The following ROBO1 variants were observed in gnomAD, a reference collection of about 807,000 sequenced individuals.
The protein encoded by ROBO1 is roundabout guidance receptor 1.
ROBO1 carries 149 observed loss-of-function variants against 195.9 expected under a neutral mutation model. The ratio of observed to expected loss-of-function variants is 0.76; its 90% CI spans 0.67 to 0.87. The LOEUF is 0.87. Ranked by LOEUF, ROBO1 falls within the 40% of genes least tolerant of loss-of-function variation. The pLI is 0.00. For missense variants in ROBO1, 1,933 were observed against 2,068.3 expected, an observed-to-expected ratio of 0.93 and a Z score of 1.27; for synonymous variants, 816 against 733.2, an observed-to-expected ratio of 1.11 and a Z score of -1.82.
At chr3:79,491,474 C>T (rs776003476) in intron 2 of ROBO1, among the ~76,000 whole-genome samples, 14 of 152,084 alleles carry the variant, frequency 9.2e-5, no homozygotes, top group Admixed American at 5.2e-4. Context: ...CAGTGAAATA[C>T]GACCCTGGCT....
chr3:79,520,788 C>T (rs913503658), intron 2 of ROBO1, among the ~76,000 whole-genome samples: 2 of 151,640 alleles, frequency 1.3e-5, no homozygotes, highest in African/African-American at 4.8e-5. Context: ...AAACTAATGT[C>T]TCTTGGTTCA....
At chr3:79,198,927 G>A (rs968015144) in intron 2 of ROBO1, among the ~76,000 whole-genome samples, 4 of 151,958 alleles carry the variant, frequency 2.6e-5, no homozygotes, top group Admixed American at 2.0e-4. Flanking sequence ...GGAGATTTTG[G>A]GCTGAGATGA....
chr3:78,934,964 A>C (rs573531592), intron 4 of ROBO1, among the ~76,000 whole-genome samples: 1 of 152,188 alleles, frequency 6.6e-6, no homozygotes, highest in Non-Finnish European at 1.5e-5. Flanking sequence ...GTGGCTACTC[A>C]GCATACATGG....
At chr3:79,087,998 A>G (rs1437217220) in intron 3 of ROBO1, among the ~76,000 whole-genome samples, 1 of 152,084 alleles carries the variant, frequency 6.6e-6, no homozygotes, top group African/African-American at 2.4e-5. Context: ...GAGTTCAACA[A>G]TTTTGGAAAG....
At position 79,429,115 on chromosome 3, in the gene ROBO1, A is replaced by T. The variant is rs2038569366; in HGVS notation, c.88+160709T>A. Among the ~76,000 whole-genome samples, 5 of 152,202 alleles carry T rather than the reference A, an allele frequency of 3.3e-5. No individual in the cohort carries two copies. In the South Asian group the frequency reaches 1.0e-3, roughly 31 times the overall value. Reference sequence around the variant, plus strand: ...GTAACTTTTACTGTATGTAAATTGTATCTAGATAACCTGACTTGAAAGATG... The same window carrying T: ...GTAACTTTTACTGTATGTAAATTGTTTCTAGATAACCTGACTTGAAAGATG... On this transcript the variant is annotated intron_variant, in intron 2 of 30. Transcript: ENST00000464233.
In ROBO1 at chr3:78,620,883, A is replaced by ATATGTGTGTG. The variant is rs368794312; in HGVS notation, c.3876-2843_3876-2842insCACACACATA. Among the ~76,000 whole-genome samples the ATATGTGTGTG allele has an allele frequency of 1.5e-3, 212 of 144,646 alleles. 2 individuals are homozygous for ATATGTGTGTG. The highest frequency in any genetic ancestry group is 3.1e-3 in the African/African-American group (123 of 39,156). 94.9% of individuals were successfully genotyped at this position (144,646 alleles called of 152,430 possible). A position where few individuals can be genotyped will look rare whatever the true frequency, so the allele number is the denominator to read the frequency against. On this transcript the variant is annotated intron_variant, in intron 26 of 30. Transcript: ENST00000464233. ...AAGTGTAAATATATTATATATATATATGTGTGTGTGTGTGTGTGTGTGTAT... is the reference window on the plus strand; with the variant it reads ...AAGTGTAAATATATTATATATATATATATGTGTGTGTGTGTGTGTGTGTGTGTGTGTGTAT...
intron 4 of ROBO1, among the ~76,000 whole-genome samples, chr3:78,900,401 C>T (rs2037513233): frequency 6.6e-6 from 1 of 152,038 alleles, no homozygotes; most frequent in Non-Finnish European, 1.5e-5. Context: ...TTACATTGAA[C>T]ATTTCAGAAT....
intron 19 of ROBO1, 98 bp downstream of exon 19, chr3:78,651,634 T>G: frequency 1.0e-6 from 1 of 982,528 alleles, no homozygotes. Flanking sequence ...TAAAACAAGT[T>G]TTAGAGGATA....
At chr3:79,136,889 T>G (rs2080420201) in intron 2 of ROBO1, among the ~76,000 whole-genome samples, 1 of 151,998 alleles carries the variant, frequency 6.6e-6, no homozygotes, top group Admixed American at 6.6e-5. Context: ...ATTTAGTAAG[T>G]GATGCAAATA....
At chr3:79,383,413 C>G (rs574149169) in intron 2 of ROBO1, among the ~76,000 whole-genome samples, 13 of 151,848 alleles carry the variant, frequency 8.6e-5, no homozygotes, top group African/African-American at 3.1e-4. Flanking sequence ...ACAATTTTTT[C>G]TGATTGAAAT....
At chr3:78,889,226 T>C (rs2107346529) in intron 4 of ROBO1, among the ~76,000 whole-genome samples, 1 of 152,310 alleles carries the variant, frequency 6.6e-6, no homozygotes, top group South Asian at 2.1e-4. Flanking sequence ...TAAGCAATTT[T>C]CCCCAATATA....
intron 2 of ROBO1, among the ~76,000 whole-genome samples, chr3:79,474,194 A>T (rs752281973): frequency 3.3e-5 from 5 of 152,152 alleles, no homozygotes; most frequent in Admixed American, 2.0e-4. Context: ...AGTAAAGACA[A>T]TTCCTCAAGT....
intron 1 of ROBO1, among the ~76,000 whole-genome samples, chr3:79,632,136 C>G (rs1365569922): frequency 4.6e-5 from 7 of 152,068 alleles, no homozygotes; most frequent in Admixed American, 3.9e-4. Flanking sequence ...TGAGTATCTA[C>G]CCAAAGGTAA....
At chr3:79,193,626 G>A (rs1040751617) in intron 2 of ROBO1, among the ~76,000 whole-genome samples, 12 of 140,200 alleles carry the variant, frequency 8.6e-5, no homozygotes, top group African/African-American at 3.0e-4. Flanking sequence ...GTAGAAATCG[G>A]TCAGTAAGTA....
chr3:79,126,050 G>A (rs2080210025), intron 2 of ROBO1, among the ~76,000 whole-genome samples: 1 of 152,134 alleles, frequency 6.6e-6, no homozygotes, highest in Non-Finnish European at 1.5e-5. Context: ...CAAATAAGAG[G>A]GAGGATGATA....
chr3:79,143,668 G>T (rs747520715), intron 2 of ROBO1, among the ~76,000 whole-genome samples: 38 of 151,940 alleles, frequency 2.5e-4, no homozygotes, highest in Non-Finnish European at 4.6e-4. Flanking sequence ...ATAATAGCAG[G>T]TTCATGTGCA....
At chr3:79,391,259 C>T (rs1329086060) in intron 2 of ROBO1, among the ~76,000 whole-genome samples, 2 of 152,106 alleles carry the variant, frequency 1.3e-5, no homozygotes, top group Non-Finnish European at 2.9e-5. Context: ...TACCACTACA[C>T]TCCAGTCTGG....
intron 3 of ROBO1, among the ~76,000 whole-genome samples, chr3:79,067,246 T>G (rs1176617801): frequency 6.6e-6 from 1 of 151,980 alleles, no homozygotes; most frequent in African/African-American, 2.4e-5. Flanking sequence ...TCGTTGCAAG[T>G]AAGTCCTTAA....
intron 8 of ROBO1, among the ~76,000 whole-genome samples, chr3:78,707,244 TAGCAATTAAGTCAGGCAAA>T (rs1301419704): frequency 1.3e-5 from 2 of 152,156 alleles, no homozygotes; most frequent in Non-Finnish European, 2.9e-5. Context: ...ATCCCATTAG[TAGCAATTAAGTCAGGCAAA>T]AGACAGCACG....
Sources: allele counts gnomAD v4.1 joint callset (sites outside exome capture counted in the v4.1 genomes callset), GRCh38; gene constraint gnomAD v4.1.1; transcripts MANE v1.5; gene names NCBI Gene and HGNC (gene_info 2026-07-23, HGNC 2026-07-21).